ATP6V1E1: variants seen among roughly 807,000 people sequenced by gnomAD.
ATP6V1E1 encodes V-type proton ATPase subunit E 1.
Under a neutral mutation model 35.2 loss-of-function variants are expected in ATP6V1E1, and 21 were observed. The ratio of observed to expected loss-of-function variants is 0.60; its 90% CI spans 0.42 to 0.86. ATP6V1E1 has a LOEUF of 0.86. Ranked by LOEUF, ATP6V1E1 falls within the 40% of genes least tolerant of loss-of-function variation. ATP6V1E1 has a pLI of 0.00. For missense variants in ATP6V1E1, 183 were observed against 272.6 expected (o/e 0.67, Z 2.32); for synonymous variants, 83 against 87.8 (o/e 0.95, Z 0.30).
At chr22:17,627,146 G>A (rs917422722) in intron 1 of ATP6V1E1, among the ~76,000 whole-genome samples, 24 of 151,074 alleles carry the variant, frequency 1.6e-4, no homozygotes, top group East Asian at 3.9e-4. Context: ...CACCCCACTA[G>A]GCCCAGACAA....
At chr22:17,595,424 G>A (rs1335677287) in intron 7 of ATP6V1E1, 1 of 152,188 alleles carries the variant, frequency 6.6e-6, no homozygotes, top group East Asian at 1.9e-4. Flanking sequence ...GAAAAAGAGA[G>A]GATTTCATCT....
chr22:17,594,869 C>G, intron 7 of ATP6V1E1: 1 of 276,706 alleles, frequency 3.6e-6, no homozygotes, highest in South Asian at 9.0e-5. Context: ...ACATCCTCCC[C>G]TATATTGCAA....
rs1473403886 is a variant in ATP6V1E1, at chr22:17,619,388, A to G, written c.99+73T>C. On this transcript the variant is annotated intron_variant, in intron 2 of 8. Transcript: ENST00000253413. The stretch of plus-strand genomic sequence containing the variant: ...CAATCTGTTGTTAAGCAGTTTTACT[A>G]ACAATATTATTTAGCAAAGCAAAAC... 3 of 1,331,598 alleles carry G rather than the reference A, an allele frequency of 2.3e-6. No homozygotes were observed. In the Admixed American group the frequency reaches 6.5e-5, roughly 29 times the overall value. The allele number at this position is 1,331,598 out of a possible 1,614,324, so 82.5% of individuals were successfully genotyped here.
intron 4 of ATP6V1E1, among the ~76,000 whole-genome samples, chr22:17,608,170 TA>T (rs1162130321): frequency 7.5e-4 from 114 of 152,198 alleles, no homozygotes; most frequent in African/African-American, 2.4e-3. Context: ...ACACATGGGA[TA>T]AATGTACTGT....
At position 17,612,760 on chromosome 22, in the gene ATP6V1E1, G is replaced by A. The variant is rs184656550; in HGVS notation, c.276+52C>T. On this transcript the variant is annotated intron_variant, in intron 4 of 8. Transcript: ENST00000253413. Reference sequence around the variant, plus strand: ...ATGTTAACTAGTAATTTACAACAGGGAAATGAATAAACATGTAATAATTTT... The same window carrying A: ...ATGTTAACTAGTAATTTACAACAGGAAAATGAATAAACATGTAATAATTTT... 2.2e-4 allele frequency: 305 copies of A among 1,372,380 alleles called. 1 individual carries two copies. In the African/African-American group the frequency reaches 4.0e-3, roughly 18 times the overall value. The allele number at this position is 1,372,380 out of a possible 1,614,324, so 85.0% of individuals were successfully genotyped here.
chr22:17,611,300 ACT>A (rs2057814388), intron 4 of ATP6V1E1, among the ~76,000 whole-genome samples: 1 of 152,048 alleles, frequency 6.6e-6, no homozygotes, highest in Non-Finnish European at 1.5e-5. Context: ...GAAACTCTTG[ACT>A]CTTTCTTTTG....
intron 4 of ATP6V1E1, among the ~76,000 whole-genome samples, chr22:17,611,627 G>A (rs901747143): frequency 6.6e-6 from 1 of 152,102 alleles, no homozygotes; most frequent in African/African-American, 2.4e-5. Flanking sequence ...TTTTCTTAAC[G>A]AAACATTTCA....
intron 6 of ATP6V1E1, among the ~76,000 whole-genome samples, chr22:17,598,839 T>C (rs1015572269): frequency 6.6e-6 from 1 of 152,132 alleles, no homozygotes; most frequent in Admixed American, 6.6e-5. Flanking sequence ...GACAAACGGA[T>C]AGAAAGCAGG....
intron 8 of ATP6V1E1, among the ~76,000 whole-genome samples, chr22:17,593,281 AAAAC>A (rs1430783954): frequency 7.3e-5 from 11 of 149,994 alleles, no homozygotes; most frequent in African/African-American, 2.5e-4. Context: ...AAAAAAAAAC[AAAAC>A]AAAAAAAAAC....
intron 1 of ATP6V1E1, among the ~76,000 whole-genome samples, chr22:17,623,842 C>T (rs1374297114): frequency 2.6e-5 from 4 of 152,148 alleles, no homozygotes; most frequent in African/African-American, 9.7e-5. Flanking sequence ...TGCGCTAATT[C>T]TAACCCAGGT....
At chr22:17,618,681 C>G (rs1231694223) in intron 2 of ATP6V1E1, among the ~76,000 whole-genome samples, 1 of 72,388 alleles carries the variant, frequency 1.4e-5, no homozygotes, top group African/African-American at 4.2e-5. Context: ...GACTCCATCT[C>G]AAAAAAAAAA....
chr22:17,601,302 C>T lies in ATP6V1E1; in HGVS notation c.277-121G>A, dbSNP rs142511913. ...CACATTTTATTGCTGGATTTTCATTCAACACACATTCCCTGAGATCTGAGA... is the reference window on the plus strand; with the variant it reads ...CACATTTTATTGCTGGATTTTCATTTAACACACATTCCCTGAGATCTGAGA... On this transcript the variant is annotated intron_variant, in intron 4 of 8. Transcript: ENST00000253413. 546 of 730,732 alleles carry T rather than the reference C, an allele frequency of 7.5e-4. 3 individuals are homozygous for T. In the African/African-American group the frequency reaches 8.8e-3, roughly 12 times the overall value. The allele number at this position is 730,732 out of a possible 1,614,324, so 45.3% of individuals were successfully genotyped here.
chr22:17,610,046 T>C (rs1372330471), intron 4 of ATP6V1E1, among the ~76,000 whole-genome samples: 1 of 152,064 alleles, frequency 6.6e-6, no homozygotes, highest in Non-Finnish European at 1.5e-5. Context: ...TGGGAAGGAC[T>C]GCTTGAGCCC....
intron 4 of ATP6V1E1, among the ~76,000 whole-genome samples, chr22:17,601,444 T>C (rs144800050): frequency 3.1e-4 from 47 of 152,176 alleles, no homozygotes; most frequent in Middle Eastern, 3.4e-3. Context: ...CCGACACAAG[T>C]GACTGACATG....
At chr22:17,606,986 C>T (rs2057790094) in intron 4 of ATP6V1E1, among the ~76,000 whole-genome samples, 1 of 151,930 alleles carries the variant, frequency 6.6e-6, no homozygotes. Flanking sequence ...TTTTTTGGCC[C>T]GCTTCTCTTC....
intron 2 of ATP6V1E1, among the ~76,000 whole-genome samples, chr22:17,614,760 A>C (rs1301862915): frequency 2.0e-5 from 3 of 151,508 alleles, no homozygotes; most frequent in African/African-American, 7.3e-5. Context: ...TGAGGTCAGG[A>C]GATCGAGACC....
intron 2 of ATP6V1E1, among the ~76,000 whole-genome samples, chr22:17,617,187 G>A (rs181526376): frequency 2.6e-3 from 403 of 152,238 alleles, no homozygotes; most frequent in African/African-American, 9.1e-3. Context: ...AATAGCCCAA[G>A]GTTTCAGAGA....
At chr22:17,627,761 G>A (rs1424774791) in intron 1 of ATP6V1E1, among the ~76,000 whole-genome samples, 1 of 148,084 alleles carries the variant, frequency 6.8e-6, no homozygotes. Flanking sequence ...GGAGGTTGCA[G>A]TGAGCCGAGA....
intron 2 of ATP6V1E1, among the ~76,000 whole-genome samples, chr22:17,613,696 G>A (rs943270296): frequency 3.2e-4 from 49 of 152,298 alleles, no homozygotes; most frequent in Admixed American, 2.6e-4. Flanking sequence ...GGCCGGGTGC[G>A]GTGGCTCACG....
Sources: allele counts gnomAD v4.1 joint callset (sites outside exome capture counted in the v4.1 genomes callset), GRCh38; gene constraint gnomAD v4.1.1; transcripts MANE v1.5; gene names NCBI Gene and HGNC (gene_info 2026-07-23, HGNC 2026-07-21).